The following ARHGAP26 variants were observed in gnomAD, a reference collection of about 807,000 sequenced individuals.
The protein encoded by ARHGAP26 is rho GTPase-activating protein 26.
In ARHGAP26, 38 loss-of-function variants were observed where a neutral mutation model predicts 104.8. The observed-to-expected ratio is 0.36, with a 90% CI of 0.28 to 0.48. The LOEUF is 0.48. Among genes scored for constraint, ARHGAP26 ranks in the 20% least tolerant of loss-of-function variants. ARHGAP26 has a pLI of 0.99. For missense variants in ARHGAP26, 704 were observed against 947.9 expected, an observed-to-expected ratio of 0.74 and a Z score of 3.38; for synonymous variants, 341 against 340.0, an observed-to-expected ratio of 1.00 and a Z score of -0.03.
intron 11 of ARHGAP26, among the ~76,000 whole-genome samples, chr5:142,949,873 C>G (rs1768036443): frequency 6.6e-6 from 1 of 152,186 alleles, no homozygotes; most frequent in South Asian, 2.1e-4. Context: ...AAGTTCATAG[C>G]ATTTATTAAT....
intron 17 of ARHGAP26, among the ~76,000 whole-genome samples, chr5:143,094,151 T>A (rs2150554852): frequency 6.6e-6 from 1 of 152,344 alleles, no homozygotes; most frequent in East Asian, 1.9e-4. Context: ...AAGGAATGCT[T>A]TACCGCCCCT....
intron 12 of ARHGAP26, among the ~76,000 whole-genome samples, chr5:143,031,328 A>G (rs1021072453): frequency 6.6e-6 from 1 of 152,250 alleles, no homozygotes; most frequent in Non-Finnish European, 1.5e-5. Context: ...GCTGCAATGC[A>G]GAGGGCAGAC....
intron 4 of ARHGAP26, among the ~76,000 whole-genome samples, chr5:142,883,661 G>A (rs910659499): frequency 1.3e-5 from 2 of 152,216 alleles, no homozygotes; most frequent in Non-Finnish European, 2.9e-5. Context: ...TGCACTTGAT[G>A]GTTCTGCTCT....
At chr5:143,163,554 G>A (rs1243307956) in intron 20 of ARHGAP26, among the ~76,000 whole-genome samples, 4 of 151,952 alleles carry the variant, frequency 2.6e-5, no homozygotes, top group Non-Finnish European at 5.9e-5. Context: ...GGGTTCAAGC[G>A]ACTCTTCTGC....
intron 11 of ARHGAP26, among the ~76,000 whole-genome samples, chr5:143,011,804 A>G (rs142163294): frequency 9.6e-4 from 146 of 152,264 alleles, no homozygotes; most frequent in African/African-American, 3.2e-3. Context: ...CACAACCTCT[A>G]TGTCAGCCTC....
At chr5:143,104,503 C>G (rs186128584) in intron 17 of ARHGAP26, among the ~76,000 whole-genome samples, 1 of 152,148 alleles carries the variant, frequency 6.6e-6, no homozygotes, top group South Asian at 2.1e-4. Flanking sequence ...AGAGTGAGAA[C>G]CTGTCTCAAA....
At chr5:143,016,193 A>G (rs1352701873) in intron 12 of ARHGAP26, among the ~76,000 whole-genome samples, 1 of 152,232 alleles carries the variant, frequency 6.6e-6, no homozygotes, top group Non-Finnish European at 1.5e-5. Flanking sequence ...AAATTAGGCT[A>G]TAGAACAACA....
At chr5:143,184,819 A>T (rs258773) in intron 20 of ARHGAP26, among the ~76,000 whole-genome samples, 24,682 of 152,150 alleles carry the variant, frequency 0.16, 2,327 homozygotes, top group East Asian at 0.41. Context: ...AAAAGGGGAG[A>T]GGAGGGAAGG....
At chr5:143,054,802 G>A (rs1424677502) in intron 15 of ARHGAP26, among the ~76,000 whole-genome samples, 1 of 152,164 alleles carries the variant, frequency 6.6e-6, no homozygotes, top group Admixed American at 6.5e-5. Context: ...AACCTAAAAT[G>A]GGGTCTTCCC....
intron 9 of ARHGAP26, among the ~76,000 whole-genome samples, chr5:142,909,348 A>G (rs1055736923): frequency 6.6e-5 from 10 of 152,152 alleles, no homozygotes; most frequent in African/African-American, 1.9e-4. Flanking sequence ...TTTATGCAAC[A>G]TGTTGAGTTT....
chr5:142,963,198 A>ATATGTGTGTGTGTGTGTGTGTG (rs869247749), intron 11 of ARHGAP26, among the ~76,000 whole-genome samples: 5 of 98,328 alleles, frequency 5.1e-5, no homozygotes, highest in Admixed American at 1.9e-4. Flanking sequence ...ATATATATAT[A>ATATGTGTGTGTGTGTGTGTGTG]TGTGTGTGTG....
At chr5:142,893,588 AT>A (rs1283864918) in intron 5 of ARHGAP26, among the ~76,000 whole-genome samples, 1 of 152,054 alleles carries the variant, frequency 6.6e-6, no homozygotes, top group Non-Finnish European at 1.5e-5. Context: ...TGATATAGTG[AT>A]TTCCTTTTCT....
chr5:142,898,399 G>A (rs575728775), intron 6 of ARHGAP26, among the ~76,000 whole-genome samples: 115 of 152,226 alleles, frequency 7.6e-4, no homozygotes, highest in Non-Finnish European at 1.2e-3. Context: ...AGGTTGGCTA[G>A]TGCCCCAGAG....
intron 11 of ARHGAP26, among the ~76,000 whole-genome samples, chr5:142,944,620 T>G (rs377337724): frequency 2.5e-4 from 38 of 152,342 alleles, no homozygotes; most frequent in African/African-American, 8.9e-4. Flanking sequence ...TGTTTTCATT[T>G]GTGTTTCTCA....
At chr5:142,828,263 A>G (rs1447221823) in intron 1 of ARHGAP26, among the ~76,000 whole-genome samples, 5 of 152,220 alleles carry the variant, frequency 3.3e-5, no homozygotes, top group African/African-American at 1.2e-4. Flanking sequence ...TTTCTTATGG[A>G]AAAGATTTTG....
chr5:142,881,264 C>T (rs1399095995), intron 4 of ARHGAP26, among the ~76,000 whole-genome samples: 2 of 152,182 alleles, frequency 1.3e-5, no homozygotes, highest in East Asian at 3.9e-4. Context: ...GTAGTTACTT[C>T]TCCTTCTGAG....
At chr5:142,980,244 T>C (rs1374233278) in intron 11 of ARHGAP26, among the ~76,000 whole-genome samples, 1 of 152,196 alleles carries the variant, frequency 6.6e-6, no homozygotes, top group Non-Finnish European at 1.5e-5. Context: ...GTTCTGATTG[T>C]TGTAGAAAGC....
intron 1 of ARHGAP26, among the ~76,000 whole-genome samples, chr5:142,812,235 G>A (rs1030604654): frequency 2.0e-5 from 3 of 152,116 alleles, no homozygotes; most frequent in Admixed American, 6.5e-5. Flanking sequence ...ACTGTAGCAT[G>A]GTTGGTCTAA....
At chr5:143,205,691 C>A (rs1808448842) in intron 20 of ARHGAP26, among the ~76,000 whole-genome samples, 1 of 152,126 alleles carries the variant, frequency 6.6e-6, no homozygotes, top group Non-Finnish European at 1.5e-5. Flanking sequence ...GAACCTCAGC[C>A]CTGTTACTTA....
Sources: allele counts gnomAD v4.1 joint callset (sites outside exome capture counted in the v4.1 genomes callset), GRCh38; gene constraint gnomAD v4.1.1; transcripts MANE v1.5; gene names NCBI Gene and HGNC (gene_info 2026-07-23, HGNC 2026-07-21).